Variants in KIRREL3 observed in about 807,000 individuals in gnomAD.
KIRREL3 encodes the protein kin of IRRE-like protein 3.
KIRREL3 carries 36 observed loss-of-function variants against 89.7 expected under a neutral mutation model. The ratio of observed to expected loss-of-function variants is 0.40; its 90% CI spans 0.31 to 0.53. The LOEUF (loss-of-function observed/expected upper bound fraction) is 0.53. Ranked by LOEUF, KIRREL3 falls within the 20% of genes least tolerant of loss-of-function variation. The pLI is 0.49. For missense variants in KIRREL3, 864 were observed against 1,056.6 expected (o/e 0.82, Z 2.53); for synonymous variants, 445 against 441.4 (o/e 1.01, Z -0.10).
At chr11:126,712,793 T>C (rs560551706) in intron 1 of KIRREL3, among the ~76,000 whole-genome samples, 1 of 152,234 alleles carries the variant, frequency 6.6e-6, no homozygotes, top group Non-Finnish European at 1.5e-5. Context: ...TTTGTCATCC[T>C]CGTTCCTCCT....
rs1591813761 is a variant in KIRREL3, at chr11:126,610,171, A to G, written c.56-47259T>C. ...AGCAGCAAGATCTCGGCTCACTGCA[A>G]CCTTCGCCTCCCAGGTTCAAGCGAT... On this transcript the variant is annotated intron_variant, in intron 1 of 16. Transcript: ENST00000525144. This position sits in a 1 kb window ranked among gnomAD's most constrained non-coding sequence, Gnocchi z 4.6. Among the ~76,000 whole-genome samples the G allele has an allele frequency of 6.6e-6, 1 of 152,010 alleles. No individual in the cohort carries two copies. Among genetic ancestry groups the G allele is most frequent in the Non-Finnish European group, 1.5e-5 (1 of 67,992 alleles).
At chr11:126,950,787 C>T (rs182662433) in intron 1 of KIRREL3, among the ~76,000 whole-genome samples, 2 of 152,200 alleles carry the variant, frequency 1.3e-5, no homozygotes, top group Non-Finnish European at 2.9e-5. Context: ...CTTAAGAGTC[C>T]CATTTGCATA....
At position 126,891,711 on chromosome 11, in the gene KIRREL3, T is replaced by C. The variant is rs938887115; in HGVS notation, c.55+108744A>G. 6.6e-6 allele frequency among the ~76,000 whole-genome samples: 1 copy of C among 152,164 alleles called. No homozygotes were observed. The highest frequency in any genetic ancestry group is 1.5e-5 in the Non-Finnish European group (1 of 68,022). ...CTTCTAAGATGCAGCCCTGACCGGC[T>C]GACTCAAAGGAAGTTGGCTGGCAGG... On this transcript the variant is annotated intron_variant, in intron 1 of 16. Transcript: ENST00000525144. The surrounding 1 kb of genome is among the most constrained non-coding windows in gnomAD (Gnocchi z 5.1).
rs942529708 is a variant in KIRREL3 at position 126,522,412 on chromosome 11, G to C, written c.284-948C>G. ...CGCCCTTCCAGTGTCTAGGAACCTT[G>C]GGTCACTTTGAGTCACAGTGGACCC... On this transcript the variant is annotated intron_variant, in intron 3 of 16. Coordinates refer to ENST00000525144, the MANE Select transcript of KIRREL3 (RefSeq NM_032531.4). This position sits in a 1 kb window ranked among gnomAD's most constrained non-coding sequence, Gnocchi z 6.0. Among the ~76,000 whole-genome samples, 4 of 152,298 alleles carry C rather than the reference G, an allele frequency of 2.6e-5. No individual in the cohort carries two copies. The East Asian group carries it at 7.7e-4, about 29-fold the overall frequency.
rs997158030 is a variant in KIRREL3 at position 126,761,290 on chromosome 11, T to C, written c.56-198378A>G. On this transcript the variant is annotated intron_variant, in intron 1 of 16. Transcript: ENST00000525144. The surrounding 1 kb of genome is among the most constrained non-coding windows in gnomAD (Gnocchi z 4.4). ...CCTGCACTCTGCCCAGGCAAAGGTA[T>C]TCACAAACCTCCCTGGGGGCTCACC... Among the ~76,000 whole-genome samples, 4 of 152,212 alleles carry C rather than the reference T, an allele frequency of 2.6e-5. No individual in the cohort carries two copies. Among genetic ancestry groups the C allele is most frequent in the African/African-American group, 9.7e-5 (4 of 41,450 alleles).
chr11:126,722,077 CT>C (rs1171414163), intron 1 of KIRREL3, among the ~76,000 whole-genome samples: 2 of 152,246 alleles, frequency 1.3e-5, no homozygotes, highest in Non-Finnish European at 2.9e-5. Flanking sequence ...GCCTTGTCTT[CT>C]GTCTGTAACT....
At position 126,750,823 on chromosome 11, in the gene KIRREL3, G is replaced by A. The variant is rs887461769; in HGVS notation, c.56-187911C>T. Among the ~76,000 whole-genome samples the A allele has an allele frequency of 1.3e-5, 2 of 152,196 alleles. No individual in the cohort carries two copies. Among genetic ancestry groups the A allele is most frequent in the East Asian group, 1.9e-4 (1 of 5,200 alleles). On this transcript the variant is annotated intron_variant, in intron 1 of 16. Transcript: ENST00000525144. The surrounding 1 kb of genome is among the most constrained non-coding windows in gnomAD (Gnocchi z 4.2). ...GTTGGAACTCAGGTCCTCAGTGACT[G>A]ATGCTCATATATTCTTTCCATTTTC...
intron 1 of KIRREL3, among the ~76,000 whole-genome samples, chr11:126,787,115 A>C (rs1950509554): frequency 6.6e-6 from 1 of 152,056 alleles, no homozygotes; most frequent in African/African-American, 2.4e-5. Flanking sequence ...GATCGGTAGG[A>C]GTGTGGGCTG....
At position 126,802,602 on chromosome 11, in the gene KIRREL3, T is replaced by A. The variant is rs1279673182; in HGVS notation, c.55+197853A>T. 1.3e-5 allele frequency among the ~76,000 whole-genome samples: 2 copies of A among 152,102 alleles called. No individual in the cohort carries two copies. Among genetic ancestry groups the A allele is most frequent in the African/African-American group, 4.8e-5 (2 of 41,422 alleles). ...GAGTGTGGGCATGTGTGTGTGTGAG[T>A]GACCCTGCGATGGGAGGGTGTCCTG... is the stretch of plus-strand genomic sequence containing the variant. On this transcript the variant is annotated intron_variant, in intron 1 of 16. Coordinates refer to ENST00000525144, the MANE Select transcript of KIRREL3 (RefSeq NM_032531.4). This position sits in a 1 kb window ranked among gnomAD's most constrained non-coding sequence, Gnocchi z 5.2.
In KIRREL3 at chr11:126,908,902, G is replaced by T. The variant is rs149265883; in HGVS notation, c.55+91553C>A. ...TCTGATATAAAGTAGTGTAGTATTT[G>T]CATATAACCTAAGCACATACACTTT... On this transcript the variant is annotated intron_variant, in intron 1 of 16. Coordinates refer to ENST00000525144, the MANE Select transcript of KIRREL3 (RefSeq NM_032531.4). The surrounding 1 kb of genome is among the most constrained non-coding windows in gnomAD (Gnocchi z 4.2). Among the ~76,000 whole-genome samples the T allele has an allele frequency of 1.3e-3, 202 of 152,126 alleles. 4 individuals carry two copies. The East Asian group carries it at 0.033, about 25-fold the overall frequency.
rs34526435 is a variant in KIRREL3 at position 126,785,872 on chromosome 11, CAAAAAAAAAAAA to C, written c.55+214571_55+214582del. ...CTGGTGACACAGCGAGACTCCGTCTCAAAAAAAAAAAAAAAAAAAAAAAAAAAAAAGCCTACA... is the reference window on the plus strand; with the variant it reads ...CTGGTGACACAGCGAGACTCCGTCTCAAAAAAAAAAAAAAAAAAGCCTACA... On this transcript the variant is annotated intron_variant, in intron 1 of 16. Transcript: ENST00000525144. 5.6e-4 allele frequency among the ~76,000 whole-genome samples: 21 copies of C among 37,806 alleles called. 2 individuals are homozygous for C. The highest frequency in any genetic ancestry group is 4.6e-3 in the East Asian group (6 of 1,300). 24.8% of individuals were successfully genotyped at this position (37,806 alleles called of 152,430 possible).
rs994835611 is a variant in KIRREL3 at position 126,484,697 on chromosome 11, T to A, written c.434-11231A>T. 2.0e-5 allele frequency among the ~76,000 whole-genome samples: 3 copies of A among 152,250 alleles called. No homozygotes were observed. Among genetic ancestry groups the A allele is most frequent in the African/African-American group, 7.2e-5 (3 of 41,472 alleles). On this transcript the variant is annotated intron_variant, in intron 4 of 16. Transcript: ENST00000525144. This position sits in a 1 kb window ranked among gnomAD's most constrained non-coding sequence, Gnocchi z 5.2. ...GTATTTTATCTGGCAATCCTGTAGATGTGTTAATTACATATATGTGATTTA... is the reference window on the plus strand; with the variant it reads ...GTATTTTATCTGGCAATCCTGTAGAAGTGTTAATTACATATATGTGATTTA...
At chr11:126,436,443 C>G (rs1419762989) in intron 12 of KIRREL3, among the ~76,000 whole-genome samples, 1 of 152,244 alleles carries the variant, frequency 6.6e-6, no homozygotes, top group Non-Finnish European at 1.5e-5. Context: ...GGTGTCAGAC[C>G]AGGGCCCATG....
chr11:126,718,051 GC>G (rs1948034807), intron 1 of KIRREL3, among the ~76,000 whole-genome samples: 1 of 152,188 alleles, frequency 6.6e-6, no homozygotes. Flanking sequence ...CATGACAAGA[GC>G]TTTGTCTTTC....
rs1370476322 is a variant in KIRREL3, at chr11:126,651,206, C to T, written c.56-88294G>A. Among the ~76,000 whole-genome samples the T allele has an allele frequency of 1.3e-5, 2 of 152,198 alleles. No homozygotes were observed. The highest frequency in any genetic ancestry group is 1.5e-5 in the Non-Finnish European group (1 of 68,048). ...TCCACGTCTAAATGAGAAAATGGTT[C>T]CTTGCTATAGGATTTCTCAGCTAGA... On this transcript the variant is annotated intron_variant, in intron 1 of 16. Transcript: ENST00000525144. This position sits in a 1 kb window ranked among gnomAD's most constrained non-coding sequence, Gnocchi z 4.6.
rs1251665186 is a variant in KIRREL3, at chr11:126,526,087, T to C, written c.283+451A>G. ...TGGCTCCTAAGATCAACTAGGTGTC[T>C]TTGTGAGTTTTCAGTTTACTTGGTT... On this transcript the variant is annotated intron_variant, in intron 3 of 16. Coordinates refer to ENST00000525144, the MANE Select transcript of KIRREL3 (RefSeq NM_032531.4). This position sits in a 1 kb window ranked among gnomAD's most constrained non-coding sequence, Gnocchi z 5.7. Among the ~76,000 whole-genome samples the C allele has an allele frequency of 6.6e-6, 1 of 152,212 alleles. No individual in the cohort carries two copies. Among genetic ancestry groups the C allele is most frequent in the Non-Finnish European group, 1.5e-5 (1 of 68,038 alleles).
chr11:126,985,883 C>T lies in KIRREL3; in HGVS notation c.55+14572G>A, dbSNP rs902117515. On this transcript the variant is annotated intron_variant, in intron 1 of 16. Coordinates refer to ENST00000525144, the MANE Select transcript of KIRREL3 (RefSeq NM_032531.4). The surrounding 1 kb of genome is among the most constrained non-coding windows in gnomAD (Gnocchi z 5.3). ...TAAGGCATGTGCCTTCATGACCCCC[C>T]TACTGGATGGGAGAGAGTTAAAGCT... 6.6e-6 allele frequency among the ~76,000 whole-genome samples: 1 copy of T among 152,202 alleles called. No individual in the cohort carries two copies. The highest frequency in any genetic ancestry group is 2.4e-5 in the African/African-American group (1 of 41,452).
intron 1 of KIRREL3, among the ~76,000 whole-genome samples, chr11:126,959,902 T>C (rs1949035139): frequency 6.6e-6 from 1 of 152,212 alleles, no homozygotes; most frequent in South Asian, 2.1e-4. Context: ...CGTGTCACCA[T>C]TGCTCGTACT....
chr11:126,681,929 A>T (rs1459150338), intron 1 of KIRREL3: 1 of 454,454 alleles, frequency 2.2e-6, no homozygotes, highest in Non-Finnish European at 4.4e-6. Flanking sequence ...GATTTTTCAG[A>T]ATTTTTCAGC....
Sources: allele counts gnomAD v4.1 joint callset (sites outside exome capture counted in the v4.1 genomes callset), GRCh38; gene constraint gnomAD v4.1.1; non-coding constraint Gnocchi (gnomAD v3.1); transcripts MANE v1.5; gene names NCBI Gene and HGNC (gene_info 2026-07-23, HGNC 2026-07-21).